The following RUBCNL variants were observed in gnomAD, a reference collection of about 807,000 sequenced individuals.
The protein encoded by RUBCNL is rubicon like autophagy enhancer.
A neutral mutation model predicts 69.5 loss-of-function variants in RUBCNL; 62 were observed. The observed-to-expected ratio is 0.89, with a 90% CI of 0.73 to 1.10. The LOEUF is 1.10. Among genes scored for constraint, RUBCNL ranks in the 50% least tolerant of loss-of-function variants. RUBCNL has a pLI of 0.00. For missense variants in RUBCNL, 768 were observed against 798.1 expected, an observed-to-expected ratio of 0.96 and a Z score of 0.45; for synonymous variants, 291 against 303.6, an observed-to-expected ratio of 0.96 and a Z score of 0.43.
chr13:46,360,791 C>T (rs1267377924), intron 8 of RUBCNL, among the ~76,000 whole-genome samples: 1 of 152,194 alleles, frequency 6.6e-6, no homozygotes, highest in Non-Finnish European at 1.5e-5. Flanking sequence ...ATGAGGGAAC[C>T]AACATGTACT....
intron 10 of RUBCNL, 70 bp downstream of exon 10, chr13:46,356,362 C>T (rs978472438): frequency 6.4e-5 from 93 of 1,454,680 alleles, no homozygotes; most frequent in Admixed American, 9.6e-5. Context: ...ACAAGCAATG[C>T]GCTGCCCTAC....
At chr13:46,345,321 T>A (rs2048222171) in intron 13 of RUBCNL, 126 bp downstream of exon 13, 1 of 1,152,944 alleles carries the variant, frequency 8.7e-7, no homozygotes, top group Non-Finnish European at 1.2e-6. Flanking sequence ...ACCTCAGTTT[T>A]CTCATCTCTA....
intron 2 of RUBCNL, among the ~76,000 whole-genome samples, chr13:46,373,358 C>G (rs545811590): frequency 6.6e-6 from 1 of 152,290 alleles, no homozygotes; most frequent in Non-Finnish European, 1.5e-5. Flanking sequence ...GAGGGATGAT[C>G]CATAGCACTG....
At position 46,377,420 on chromosome 13, in the gene RUBCNL, C is replaced by A. The variant is rs532124257; in HGVS notation, c.-123+470G>T. Among the ~76,000 whole-genome samples, 128 of 152,262 alleles carry A rather than the reference C, an allele frequency of 8.4e-4. 1 individual carries two copies. The highest frequency in any genetic ancestry group is 2.7e-3 in the African/African-American group (111 of 41,544). On this transcript the variant is annotated intron_variant, in intron 2 of 14. Coordinates refer to ENST00000429979, the MANE Select transcript of RUBCNL (RefSeq NM_025113.5). ...CTGGGATTACAGGTGGGCACCACCACGCCTGCCTAATTTTTGTATTTTTAG... is the reference window on the plus strand; with the variant it reads ...CTGGGATTACAGGTGGGCACCACCAAGCCTGCCTAATTTTTGTATTTTTAG...
chr13:46,357,420 G>A (rs904412106), intron 9 of RUBCNL, among the ~76,000 whole-genome samples: 5 of 151,124 alleles, frequency 3.3e-5, no homozygotes, highest in Non-Finnish European at 4.4e-5. Flanking sequence ...GGGAGGTCTC[G>A]ATGCCCGTGT....
At chr13:46,362,923 C>CATATATATATATATAGATATAT (rs1217789206) in intron 6 of RUBCNL, among the ~76,000 whole-genome samples, 192 bp downstream of exon 6, 3 of 88,036 alleles carry the variant, frequency 3.4e-5, no homozygotes, top group Non-Finnish European at 6.8e-5. Context: ...ACAAGAACAT[C>CATATATATATATATAGATATAT]ATATATATAT....
chr13:46,339,927 T>C lies in RUBCNL; in HGVS notation c.*3458A>G, dbSNP rs1328649657. On this transcript the variant is annotated 3_prime_UTR_variant, in exon 15 of 15. Coordinates refer to ENST00000429979, the MANE Select transcript of RUBCNL (RefSeq NM_025113.5). ...GAATTTATTCTCTCATAATTCTCAA[T>C]GTCAGAAGTTTGAAATCAAGGGGTC... Among the ~76,000 whole-genome samples the C allele has an allele frequency of 1.3e-5, 2 of 151,304 alleles. No individual in the cohort carries two copies. Among genetic ancestry groups the C allele is most frequent in the African/African-American group, 4.8e-5 (2 of 41,264 alleles).
At position 46,363,025 on chromosome 13, in the gene RUBCNL, C is replaced by T. The variant is rs9595463; in HGVS notation, c.925+90G>A. 2,758 of 416,830 alleles carry T rather than the reference C, an allele frequency of 6.6e-3. 75 individuals carry two copies. Among genetic ancestry groups the T allele is most frequent in the African/African-American group, 0.056 (2,416 of 43,140 alleles). The allele number at this position is 416,830 out of a possible 1,614,324, so 25.8% of individuals were successfully genotyped here. A position where few individuals can be genotyped will look rare whatever the true frequency, so the allele number is the denominator to read the frequency against. On this transcript the variant is annotated intron_variant, in intron 6 of 14. Coordinates refer to ENST00000429979, the MANE Select transcript of RUBCNL (RefSeq NM_025113.5). ...GAAGTTGGTTTGAATGCCACTGTAA[C>T]GTAATGTTGTGTGTGATGCATGTTA...
intron 7 of RUBCNL, 96 bp from the exon 8 acceptor site, chr13:46,361,669 A>C: frequency 7.7e-7 from 1 of 1,304,306 alleles, no homozygotes; most frequent in Non-Finnish European, 1.1e-6. Flanking sequence ...CCAGCCCCCA[A>C]AACTCAGAAG....
intron 5 of RUBCNL, among the ~76,000 whole-genome samples, chr13:46,367,127 C>T (rs1308168537): frequency 6.6e-6 from 1 of 152,214 alleles, no homozygotes; most frequent in Non-Finnish European, 1.5e-5. Context: ...TCGGCTTAGG[C>T]ACTCGTCCCT....
upstream of RUBCNL, among the ~76,000 whole-genome samples, chr13:46,388,381 G>A (rs1594195641): frequency 1.7e-5 from 2 of 120,746 alleles, no homozygotes; most frequent in East Asian, 4.1e-4. Context: ...AAGGAAGGAA[G>A]GGCGAAGGAA....
At chr13:46,376,802 T>C (rs2049004301) in intron 2 of RUBCNL, among the ~76,000 whole-genome samples, 2 of 152,260 alleles carry the variant, frequency 1.3e-5, no homozygotes, top group Non-Finnish European at 2.9e-5. Flanking sequence ...TTCTTTTGTA[T>C]ACACATCCAT....
In RUBCNL at chr13:46,343,278, C is replaced by A; in HGVS notation, c.*107G>T. The A allele has an allele frequency of 6.6e-7, 1 of 1,505,768 alleles. No homozygotes were observed. Among genetic ancestry groups the A allele is most frequent in the South Asian group, 1.2e-5 (1 of 81,884 alleles). The allele number at this position is 1,505,768 out of a possible 1,614,324, so 93.3% of individuals were successfully genotyped here. A position where few individuals can be genotyped will look rare whatever the true frequency, so the allele number is the denominator to read the frequency against. ...TAAAGAGAATATAGACCATCTTTTT[C>A]CTTAATATACAATACCCAATATCTA... On this transcript the variant is annotated 3_prime_UTR_variant, in exon 15 of 15. Coordinates refer to ENST00000429979, the MANE Select transcript of RUBCNL (RefSeq NM_025113.5).
At chr13:46,385,235 G>A (rs1455942550) in intron 1 of RUBCNL, 1 of 969,480 alleles carries the variant, frequency 1.0e-6, no homozygotes, top group Non-Finnish European at 1.2e-6. Flanking sequence ...TTCAGAATAA[G>A]ACAGCACAGT....
At chr13:46,382,846 A>G (rs781275726) in intron 1 of RUBCNL, among the ~76,000 whole-genome samples, 1 of 152,192 alleles carries the variant, frequency 6.6e-6, no homozygotes. Flanking sequence ...ATCCATGCTT[A>G]TCTTTCAACC....
chr13:46,371,344 C>G (rs1304033446), intron 3 of RUBCNL, among the ~76,000 whole-genome samples: 1 of 152,152 alleles, frequency 6.6e-6, no homozygotes, highest in Non-Finnish European at 1.5e-5. Context: ...TTTATTGACT[C>G]TTGAGTAGTA....
chr13:46,387,842 A>T (rs2049283698), upstream of RUBCNL: 1 of 985,444 alleles, frequency 1.0e-6, no homozygotes, highest in Non-Finnish European at 1.2e-6. Flanking sequence ...ACGGGTGTGC[A>T]GTGGTTAGTC....
At position 46,372,299 on chromosome 13, in the gene RUBCNL, C is replaced by T. The variant is rs1188865242; in HGVS notation, c.177G>A (p.Val59=). 7 of 1,613,892 alleles carry T rather than the reference C, an allele frequency of 4.3e-6. No individual in the cohort carries two copies. Among genetic ancestry groups the T allele is most frequent in the Middle Eastern group, 1.6e-4 (1 of 6,084 alleles). Residue 59 remains valine, a synonymous_variant, in exon 3 of 15, where the codon GTG becomes GTA. Coordinates refer to ENST00000429979, the MANE Select transcript of RUBCNL (RefSeq NM_025113.5). ...HKAVWINPQD[V]QQQPQDLQSQ... ...ATTGCAAGTCCTGCGGCTGTTGCTG[C>T]ACATCCTGGGGGTTAATCCAGACAG...
chr13:46,361,217 TC>T (rs1259844833), intron 8 of RUBCNL, among the ~76,000 whole-genome samples: 1 of 152,024 alleles, frequency 6.6e-6, no homozygotes, highest in African/African-American at 2.4e-5. Context: ...AGAGCAAGAA[TC>T]CGTCTCAAAA....
Sources: allele counts gnomAD v4.1 joint callset (sites outside exome capture counted in the v4.1 genomes callset), GRCh38; gene constraint gnomAD v4.1.1; transcripts MANE v1.5; gene names NCBI Gene and HGNC (gene_info 2026-07-23, HGNC 2026-07-21).